The following CFAP44 variants were observed in gnomAD, a reference collection of about 807,000 sequenced individuals.
CFAP44 encodes cilia and flagella associated protein 44.
A neutral mutation model predicts 216.2 loss-of-function variants in CFAP44; 134 were observed. That is an observed-to-expected ratio of 0.62 (90% confidence interval 0.54 to 0.72). The LOEUF is 0.72. Ranked by LOEUF, CFAP44 falls within the 30% of genes least tolerant of loss-of-function variation. The pLI is 0.00. For synonymous variants in CFAP44, 700 were observed against 727.6 expected (o/e 0.96, Z 0.61); for missense variants, 2,035 against 2,182.1 (o/e 0.93, Z 1.34).
intron 34 of CFAP44, 117 bp from the exon 35 acceptor site, chr3:113,291,865 G>A (rs1444522499): frequency 1.3e-5 from 15 of 1,138,964 alleles, no homozygotes; most frequent in Non-Finnish European, 1.6e-5. Context: ...AACAGCCACT[G>A]TTCCTTAATC....
chr3:113,400,204 G>A (rs1934104528), intron 12 of CFAP44, among the ~76,000 whole-genome samples: 1 of 152,144 alleles, frequency 6.6e-6, no homozygotes, highest in African/African-American at 2.4e-5. Flanking sequence ...ATGATTGACT[G>A]CTGGGTCAAT....
chr3:113,314,316 A>G (rs1950067734), intron 28 of CFAP44, among the ~76,000 whole-genome samples: 1 of 152,238 alleles, frequency 6.6e-6, no homozygotes, highest in African/African-American at 2.4e-5. Flanking sequence ...GGGATACACA[A>G]CTTGTATAGC....
chr3:113,425,341 C>T (rs977968088), intron 4 of CFAP44, among the ~76,000 whole-genome samples: 1 of 152,210 alleles, frequency 6.6e-6, no homozygotes. Context: ...AAGGGAAGCA[C>T]AGTACATTGC....
Position 113,394,574 on chromosome 3 carries a change from T to C in CFAP44, c.1890+1176A>G, listed in dbSNP as rs115825912. ...TAATAACTTAATTTTAACTTCTTCC[T>C]TTCTTGATAGTTCCCTGCTCTAAAT... On this transcript the variant is annotated intron_variant, in intron 15 of 34. Transcript: ENST00000393845. Among the ~76,000 whole-genome samples the C allele has an allele frequency of 6.5e-3, 983 of 152,314 alleles. 11 individuals are homozygous for C. Among genetic ancestry groups the C allele is most frequent in the African/African-American group, 0.022 (913 of 41,558 alleles).
intron 7 of CFAP44, 40 bp downstream of exon 7, chr3:113,409,066 T>C: frequency 3.0e-6 from 4 of 1,316,662 alleles, no homozygotes; most frequent in South Asian, 1.2e-5. Flanking sequence ...AAAATACTCC[T>C]GTGATATCTA....
At chr3:113,438,083 A>G (rs766001247) in intron 1 of CFAP44, among the ~76,000 whole-genome samples, 3 of 152,252 alleles carry the variant, frequency 2.0e-5, no homozygotes, top group Admixed American at 6.5e-5. Context: ...CTCACTCCCC[A>G]GATAATTCTT....
intron 8 of CFAP44, among the ~76,000 whole-genome samples, chr3:113,406,478 G>A (rs1055713357): frequency 4.6e-5 from 7 of 152,040 alleles, no homozygotes; most frequent in Admixed American, 1.3e-4. Flanking sequence ...CAAAAAATTA[G>A]CCAGGCATGG....
intron 6 of CFAP44, 120 bp from the exon 7 acceptor site, chr3:113,409,442 A>G: frequency 1.2e-6 from 1 of 832,650 alleles, no homozygotes; most frequent in Admixed American, 2.7e-5. Flanking sequence ...AGAATACCCT[A>G]AAGGAACAAT....
intron 2 of CFAP44, among the ~76,000 whole-genome samples, chr3:113,431,453 C>T (rs1014442523): frequency 3.9e-5 from 6 of 151,988 alleles, no homozygotes; most frequent in African/African-American, 9.7e-5. Flanking sequence ...AAAACACTGC[C>T]GAGGACTGGA....
At chr3:113,318,276 C>T (rs1020837130) in intron 28 of CFAP44, among the ~76,000 whole-genome samples, 2 of 152,072 alleles carry the variant, frequency 1.3e-5, no homozygotes, top group African/African-American at 4.8e-5. Context: ...AAAAAACTCA[C>T]TACAAGAATT....
chr3:113,369,791 T>A (rs915998346), intron 18 of CFAP44, among the ~76,000 whole-genome samples: 18 of 152,132 alleles, frequency 1.2e-4, no homozygotes, highest in Non-Finnish European at 2.1e-4. Context: ...ATCCAGGAGC[T>A]GGTTTTCTGA....
intron 22 of CFAP44, among the ~76,000 whole-genome samples, chr3:113,354,636 C>T (rs774715620): frequency 3.3e-5 from 5 of 152,134 alleles, no homozygotes; most frequent in Non-Finnish European, 4.4e-5. Flanking sequence ...CAGCAAGTCC[C>T]GCCCAAGGAG....
chr3:113,372,688 G>A (rs1933209338), intron 18 of CFAP44, among the ~76,000 whole-genome samples: 2 of 152,054 alleles, frequency 1.3e-5, no homozygotes, highest in African/African-American at 4.8e-5. Context: ...CGTAACAAAT[G>A]TGCACGTTGT....
chr3:113,311,562 C>A (rs1384164033), intron 28 of CFAP44, among the ~76,000 whole-genome samples: 1 of 152,146 alleles, frequency 6.6e-6, no homozygotes, highest in East Asian at 1.9e-4. Flanking sequence ...TCCAATTAAA[C>A]CTCTTTTTCT....
In CFAP44 at chr3:113,426,056, T is replaced by C. The variant is rs1230991993; in HGVS notation, c.407+68A>G. Reference sequence around the variant, plus strand: ...AGGCACATTTGGGCTCCCTGGGCTATAGTTTGCTGACCTCTGACCTAAGAA... The same window carrying C: ...AGGCACATTTGGGCTCCCTGGGCTACAGTTTGCTGACCTCTGACCTAAGAA... On this transcript the variant is annotated intron_variant, in intron 4 of 34. Transcript: ENST00000393845. 4.5e-6 allele frequency: 7 copies of C among 1,561,980 alleles called. No homozygotes were observed. In the Admixed American group the frequency reaches 1.1e-4, roughly 25 times the overall value.
Position 113,330,531 on chromosome 3 carries a change from T to A in CFAP44, c.3753A>T (p.Ile1251=). The A allele has an allele frequency of 6.5e-7, 1 of 1,537,236 alleles. No individual in the cohort carries two copies. Residue 1251 remains isoleucine (I), a synonymous_variant, in exon 26 of 35, where the codon ATA becomes ATT. Coordinates refer to ENST00000393845, the MANE Select transcript of CFAP44 (RefSeq NM_001164496.2). ...IQSTLHISKH[I]PIPKIPQIHP... ...GTATCTGAGGAATTTTGGGAATGGG[T>A]ATGTGCTTGGATATGTGAAGAGTCG...
intron 28 of CFAP44, among the ~76,000 whole-genome samples, chr3:113,315,428 T>G (rs941716774): frequency 9.9e-5 from 15 of 152,052 alleles, no homozygotes; most frequent in African/African-American, 3.6e-4. Flanking sequence ...GTAAAATATT[T>G]GAAGCAAAAA....
At chr3:113,339,727 C>T (rs1276398463) in intron 24 of CFAP44, among the ~76,000 whole-genome samples, 3 of 152,146 alleles carry the variant, frequency 2.0e-5, no homozygotes, top group Admixed American at 6.5e-5. Flanking sequence ...ATTTTAGAGG[C>T]TGTTTGTATC....
At chr3:113,310,953 T>C (rs78339953) in intron 28 of CFAP44, among the ~76,000 whole-genome samples, 3,088 of 152,284 alleles carry the variant, frequency 0.02, 107 homozygotes, top group African/African-American at 0.07. Context: ...CTTTATAGCC[T>C]GTGGAACCAT....
Sources: gnomAD v4.1 joint callset for allele counts (sites outside exome capture counted in the v4.1 genomes callset) on GRCh38, gnomAD v4.1.1 for gene constraint, MANE v1.5 for transcripts, NCBI Gene and HGNC (gene_info 2026-07-23, HGNC 2026-07-21) for gene names.